The following MAGI3 variants were observed in gnomAD, a reference collection of about 807,000 sequenced individuals.
The protein encoded by MAGI3 is membrane associated guanylate kinase, WW and PDZ domain containing 3, also known as membrane-associated guanylate kinase, WW and PDZ domain-containing protein 3.
Under a neutral mutation model 121.8 loss-of-function variants are expected in MAGI3, and 43 were observed. The ratio of observed to expected loss-of-function variants is 0.35; its 90% CI spans 0.28 to 0.46. The LOEUF (loss-of-function observed/expected upper bound fraction) is 0.46. Among genes scored for constraint, MAGI3 ranks in the 20% least tolerant of loss-of-function variants. MAGI3 has a pLI of 1.00. For synonymous variants in MAGI3, 553 were observed against 639.3 expected (o/e 0.86, Z 2.04); for missense variants, 1,547 against 1,797.3 (o/e 0.86, Z 2.52).
chr1:113,416,542 C>G (rs1356056581), intron 1 of MAGI3, among the ~76,000 whole-genome samples: 1 of 27,660 alleles, frequency 3.6e-5, no homozygotes. Flanking sequence ...GTAAGAGACA[C>G]TAGAAGAGTT....
intron 1 of MAGI3, among the ~76,000 whole-genome samples, chr1:113,439,636 C>T (rs1485572270): frequency 6.6e-6 from 1 of 152,060 alleles, no homozygotes; most frequent in Non-Finnish European, 1.5e-5. Context: ...ATGATTTGGA[C>T]AGAACACTCA....
In MAGI3 at chr1:113,487,800, G is replaced by T. The variant is rs148890772; in HGVS notation, c.317-61715G>T. 7.7e-4 allele frequency among the ~76,000 whole-genome samples: 114 copies of T among 147,596 alleles called. 2 individuals are homozygous for T. The East Asian group carries it at 0.02, about 26-fold the overall frequency. On this transcript the variant is annotated intron_variant, in intron 1 of 20. Transcript: ENST00000307546. ...TGTGTGCATGCTTATATTTGATGTTGCATTCTGCTTCAAATTAGTTGATAA... is the reference window on the plus strand; with the variant it reads ...TGTGTGCATGCTTATATTTGATGTTTCATTCTGCTTCAAATTAGTTGATAA...
intron 1 of MAGI3, among the ~76,000 whole-genome samples, chr1:113,427,495 G>A (rs143619946): frequency 6.6e-6 from 1 of 152,176 alleles, no homozygotes; most frequent in Non-Finnish European, 1.5e-5. Flanking sequence ...TCAATCCTGG[G>A]GAGGAATGAG....
chr1:113,633,863 G>T (rs974700393), intron 9 of MAGI3, among the ~76,000 whole-genome samples: 1 of 152,216 alleles, frequency 6.6e-6, no homozygotes, highest in African/African-American at 2.4e-5. Flanking sequence ...TGGTGTAAAA[G>T]TGGTCCTATT....
intron 1 of MAGI3, among the ~76,000 whole-genome samples, chr1:113,512,025 A>G (rs1380991592): frequency 6.6e-6 from 1 of 152,206 alleles, no homozygotes; most frequent in African/African-American, 2.4e-5. Context: ...TTAAATGTAG[A>G]GGTCATTTAG....
At chr1:113,570,708 T>A (rs575331167) in intron 2 of MAGI3, among the ~76,000 whole-genome samples, 1 of 152,330 alleles carries the variant, frequency 6.6e-6, no homozygotes, top group East Asian at 1.9e-4. Flanking sequence ...AAGTGTCTGT[T>A]CATATCCTTC....
chr1:113,535,531 T>C (rs1570816263), intron 1 of MAGI3, among the ~76,000 whole-genome samples: 1 of 152,328 alleles, frequency 6.6e-6, no homozygotes, highest in South Asian at 2.1e-4. Flanking sequence ...TCATTATTAA[T>C]GATGTACTCA....
intron 19 of MAGI3, among the ~76,000 whole-genome samples, chr1:113,676,625 G>C (rs1647881044): frequency 6.6e-6 from 1 of 152,020 alleles, no homozygotes; most frequent in Non-Finnish European, 1.5e-5. Flanking sequence ...GCTCATGAGG[G>C]CTTTGCATAT....
intron 1 of MAGI3, among the ~76,000 whole-genome samples, chr1:113,468,616 C>T (rs181331096): frequency 1.3e-5 from 2 of 151,982 alleles, no homozygotes; most frequent in Non-Finnish European, 2.9e-5. Flanking sequence ...GTAGCATCTG[C>T]ATTGAGATAT....
intron 1 of MAGI3, among the ~76,000 whole-genome samples, chr1:113,447,003 A>T (rs1654208803): frequency 6.6e-6 from 1 of 152,206 alleles, no homozygotes; most frequent in Non-Finnish European, 1.5e-5. Context: ...GCAGTGGAGG[A>T]TAGAATGCGG....
chr1:113,422,859 G>A lies in MAGI3; in HGVS notation c.316+31510G>A, dbSNP rs901693093. Among the ~76,000 whole-genome samples, 95 of 152,134 alleles carry A rather than the reference G, an allele frequency of 6.2e-4. No individual in the cohort carries two copies. Among genetic ancestry groups the A allele is most frequent in the Non-Finnish European group, 5.9e-5 (4 of 68,036 alleles). On this transcript the variant is annotated intron_variant, in intron 1 of 20. Coordinates refer to ENST00000307546, the MANE Select transcript of MAGI3 (RefSeq NM_001142782.2). This position sits in a 1 kb window ranked among gnomAD's most constrained non-coding sequence, Gnocchi z 4.3. ...TGGCTTGCAGCTCCTGGGCTGATCC[G>A]GCCCCACCGCTACTTCCCATTGCAT... is the stretch of plus-strand genomic sequence containing the variant.
chr1:113,594,604 C>G (rs531938728), intron 6 of MAGI3, 44 bp downstream of exon 6: 1 of 1,504,214 alleles, frequency 6.6e-7, no homozygotes, highest in Admixed American at 1.9e-5. Context: ...TTCTCTTAAT[C>G]CTTTCTTGCT....
At chr1:113,554,019 C>CA (rs1196087401) in intron 2 of MAGI3, among the ~76,000 whole-genome samples, 3 of 151,808 alleles carry the variant, frequency 2.0e-5, no homozygotes, top group Admixed American at 6.6e-5. Context: ...AACAAACAAA[C>CA]AAAAAAATAG....
chr1:113,403,455 A>G (rs574578916), intron 1 of MAGI3, among the ~76,000 whole-genome samples: 2 of 152,278 alleles, frequency 1.3e-5, no homozygotes, highest in Non-Finnish European at 2.9e-5. Context: ...ATGATTAATT[A>G]TGTTTTTAAT....
intron 4 of MAGI3, among the ~76,000 whole-genome samples, chr1:113,590,183 A>G (rs977167862): frequency 6.6e-6 from 1 of 152,130 alleles, no homozygotes; most frequent in African/African-American, 2.4e-5. Flanking sequence ...TAAAAGGACT[A>G]CATTAGTGCT....
chr1:113,623,275 T>G (rs912759843), intron 9 of MAGI3, among the ~76,000 whole-genome samples: 2 of 151,936 alleles, frequency 1.3e-5, no homozygotes, highest in African/African-American at 4.8e-5. Context: ...CCTCAAGCAT[T>G]TATCTGTTGT....
chr1:113,423,315 A>T (rs944063155), intron 1 of MAGI3, among the ~76,000 whole-genome samples: 2 of 145,486 alleles, frequency 1.4e-5, no homozygotes, highest in Non-Finnish European at 3.0e-5. Flanking sequence ...ACTTTTGCCC[A>T]GGCTGGAGTG....
At chr1:113,462,022 A>G (rs1655060863) in intron 1 of MAGI3, among the ~76,000 whole-genome samples, 1 of 152,230 alleles carries the variant, frequency 6.6e-6, no homozygotes, top group Non-Finnish European at 1.5e-5. Flanking sequence ...GTGAGATACC[A>G]TCTCATACCA....
At chr1:113,533,140 A>G (rs1658804404) in intron 1 of MAGI3, among the ~76,000 whole-genome samples, 1 of 152,150 alleles carries the variant, frequency 6.6e-6, no homozygotes, top group Non-Finnish European at 1.5e-5. Context: ...GCTCTAAGTT[A>G]TATGGTTTTC....
Sources: allele counts gnomAD v4.1 joint callset (sites outside exome capture counted in the v4.1 genomes callset), GRCh38; gene constraint gnomAD v4.1.1; non-coding constraint Gnocchi (gnomAD v3.1); transcripts MANE v1.5; gene names NCBI Gene and HGNC (gene_info 2026-07-23, HGNC 2026-07-21).